SLC24A2: variants seen among roughly 807,000 people sequenced by gnomAD.
SLC24A2 encodes sodium/potassium/calcium exchanger 2.
SLC24A2 carries 36 observed loss-of-function variants against 62.0 expected under a neutral mutation model. The observed-to-expected ratio is 0.58, with a 90% CI of 0.44 to 0.77. SLC24A2 has a LOEUF of 0.77. Among genes scored for constraint, SLC24A2 ranks in the 30% least tolerant of loss-of-function variants. The pLI, the probability that SLC24A2 is intolerant of heterozygous loss-of-function variation, is 0.00. For missense variants in SLC24A2, 846 were observed against 817.9 expected (o/e 1.03, Z -0.42); for synonymous variants, 358 against 294.0 (o/e 1.22, Z -2.23).
intron 2 of SLC24A2, among the ~76,000 whole-genome samples, chr9:19,744,751 A>C (rs749813431): frequency 6.6e-6 from 1 of 152,194 alleles, no homozygotes; most frequent in Admixed American, 6.5e-5. Flanking sequence ...AGCCCCAACT[A>C]TAAGTTTCAC....
At chr9:20,133,508 A>C in the SLC24A2 span, among the ~76,000 whole-genome samples, 1 of 152,208 alleles carries the variant, frequency 6.6e-6, no homozygotes. Context: ...ATAATAATTA[A>C]GCATCGCAAA....
chr9:19,570,922 C>T (rs1586979165), intron 7 of SLC24A2, among the ~76,000 whole-genome samples: 2 of 152,202 alleles, frequency 1.3e-5, no homozygotes, highest in South Asian at 4.1e-4. Context: ...CTCTTGAACT[C>T]TGAGCCTAGC....
chr9:19,889,593 T>G, the SLC24A2 span, among the ~76,000 whole-genome samples: 1 of 152,292 alleles, frequency 6.6e-6, no homozygotes, highest in East Asian at 1.9e-4. Context: ...CCAAACCATT[T>G]TTCCTCGTTC....
the SLC24A2 span, among the ~76,000 whole-genome samples, chr9:19,863,535 T>C: frequency 6.6e-6 from 1 of 152,076 alleles, no homozygotes; most frequent in South Asian, 2.1e-4. Context: ...CATAATGGAA[T>C]AAAACTAGAA....
the SLC24A2 span, among the ~76,000 whole-genome samples, chr9:20,192,776 G>A: frequency 4.3e-4 from 66 of 152,126 alleles, no homozygotes; most frequent in Non-Finnish European, 8.8e-4. Flanking sequence ...GAAGCTCCTT[G>A]ATTAATTCCA....
chr9:19,955,750 G>T, the SLC24A2 span, among the ~76,000 whole-genome samples: 7 of 152,056 alleles, frequency 4.6e-5, no homozygotes, highest in African/African-American at 1.7e-4. Flanking sequence ...CCAAAAAAAG[G>T]TTTTAAGCCC....
intron 2 of SLC24A2, among the ~76,000 whole-genome samples, chr9:19,699,932 G>C (rs1820307192): frequency 6.6e-6 from 1 of 152,112 alleles, no homozygotes; most frequent in Non-Finnish European, 1.5e-5. Context: ...GCACTAGAGA[G>C]GTCCTGAGAC....
the SLC24A2 span, among the ~76,000 whole-genome samples, chr9:19,831,331 T>C: frequency 3.6e-3 from 551 of 152,314 alleles, 5 homozygotes; most frequent in African/African-American, 0.013. Context: ...TTTCTTCTCC[T>C]GAAAGTCTGT....
At chr9:19,939,630 C>A in the SLC24A2 span, among the ~76,000 whole-genome samples, 1 of 152,138 alleles carries the variant, frequency 6.6e-6, no homozygotes, top group Non-Finnish European at 1.5e-5. Flanking sequence ...TAAATACTGT[C>A]AACTTAGGCT....
the SLC24A2 span, among the ~76,000 whole-genome samples, chr9:20,025,161 T>G: frequency 3.3e-5 from 5 of 152,322 alleles, no homozygotes; most frequent in East Asian, 9.6e-4. Context: ...CTATTTTCTT[T>G]AATGCTTGTC....
At chr9:20,019,083 G>GAGAAAGAAAGAAAGAA in the SLC24A2 span, among the ~76,000 whole-genome samples, 2 of 105,966 alleles carry the variant, frequency 1.9e-5, no homozygotes, top group Non-Finnish European at 4.1e-5. Context: ...CAGAGAAAGA[G>GAGAAAGAAAGAAAGAA]AGAAAGAAAG....
In SLC24A2 at chr9:19,576,966, C is replaced by T; in HGVS notation, c.1186G>A (p.Val396Met). 6.2e-7 allele frequency: 1 copy of T among 1,614,200 alleles called. No homozygotes were observed. Among genetic ancestry groups the T allele is most frequent in the South Asian group, 1.1e-5 (1 of 91,088 alleles). ...CCATTCTGCCTCTCGTTCTCATCCA[C>T]ATGACATTTCTTCTTGGCGATCTTG... is the stretch of plus-strand genomic sequence containing the variant. The part of the protein sequence containing the change: ...LHKIAKKKCH[V>M]DENERQNGAA... Residue 396 changes from valine to methionine, a missense_variant, in exon 6 of 11, where the codon GTG becomes ATG. Physicochemically the swap from Val to Met is conservative, Grantham distance 21. Coordinates refer to ENST00000341998, the MANE Select transcript of SLC24A2 (RefSeq NM_020344.4).
chr9:19,529,709 T>A (rs6475345), intron 8 of SLC24A2, among the ~76,000 whole-genome samples: 105,706 of 150,610 alleles, frequency 0.7, 37,682 homozygotes, highest in East Asian at 0.93. Flanking sequence ...ATGGGGGAAA[T>A]AAAAAGGTAA....
At chr9:19,608,645 G>A (rs1003856481) in intron 4 of SLC24A2, among the ~76,000 whole-genome samples, 1 of 152,156 alleles carries the variant, frequency 6.6e-6, no homozygotes, top group Non-Finnish European at 1.5e-5. Context: ...CCACTGCTGA[G>A]AGAATTACAT....
chr9:19,589,730 G>T (rs1190276501), intron 5 of SLC24A2, among the ~76,000 whole-genome samples: 2 of 152,048 alleles, frequency 1.3e-5, no homozygotes, highest in African/African-American at 4.8e-5. Context: ...TTCAGATGCT[G>T]TGACCTAGGA....
chr9:19,667,883 G>C (rs898671099), intron 2 of SLC24A2, among the ~76,000 whole-genome samples: 1 of 152,078 alleles, frequency 6.6e-6, no homozygotes. Flanking sequence ...TCTTAAACCC[G>C]CTGCTAGTTC....
In SLC24A2 at chr9:19,632,306, A is replaced by T. The variant is rs961778073; in HGVS notation, c.931-10007T>A. Among the ~76,000 whole-genome samples the T allele has an allele frequency of 4.6e-5, 7 of 152,116 alleles. No individual in the cohort carries two copies. The highest frequency in any genetic ancestry group is 1.7e-4 in the African/African-American group (7 of 41,428). On this transcript the variant is annotated intron_variant, in intron 2 of 10. Coordinates refer to ENST00000341998, the MANE Select transcript of SLC24A2 (RefSeq NM_020344.4). This position sits in a 1 kb window ranked among gnomAD's most constrained non-coding sequence, Gnocchi z 4.5. ...TTACCATGTTATTCCCTCTTGCTCCATTTGCCAAATATCCTCCTTCACGGC... is the reference window on the plus strand; with the variant it reads ...TTACCATGTTATTCCCTCTTGCTCCTTTTGCCAAATATCCTCCTTCACGGC...
At chr9:20,254,446 C>T in the SLC24A2 span, among the ~76,000 whole-genome samples, 19 of 152,206 alleles carry the variant, frequency 1.2e-4, no homozygotes, top group Non-Finnish European at 1.8e-4. Context: ...TGTTCAATAG[C>T]AACACATGCC....
At chr9:19,846,338 A>T in the SLC24A2 span, among the ~76,000 whole-genome samples, 1 of 152,290 alleles carries the variant, frequency 6.6e-6, no homozygotes, top group South Asian at 2.1e-4. Context: ...CTTTATTATT[A>T]TGTAATGCCT....
Sources: gnomAD v4.1 joint callset for allele counts (sites outside exome capture counted in the v4.1 genomes callset) on GRCh38, gnomAD v4.1.1 for gene constraint, Gnocchi (gnomAD v3.1) non-coding constraint, MANE v1.5 for transcripts, NCBI Gene and HGNC (gene_info 2026-07-23, HGNC 2026-07-21) for gene names.